ADGB: variants seen among roughly 807,000 people sequenced by gnomAD.
ADGB encodes androglobin, also known as calpain-7-like protein.
In ADGB, 172 loss-of-function variants were observed where a neutral mutation model predicts 210.5. The observed-to-expected ratio is 0.82, with a 90% CI of 0.72 to 0.93. The LOEUF (loss-of-function observed/expected upper bound fraction) is 0.93, where lower values mean the gene tolerates loss of function less well. Among genes scored for constraint, ADGB ranks in the 40% least tolerant of loss-of-function variants. The probability of loss-of-function intolerance (pLI) is 0.00; values close to 1 mark genes in which losing one functional copy is unlikely to be tolerated. For synonymous variants in ADGB, 658 were observed against 662.7 expected, an observed-to-expected ratio of 0.99 and a Z score of 0.11; for missense variants, 2,025 against 1,964.8, an observed-to-expected ratio of 1.03 and a Z score of -0.58.
At chr6:146,810,510 T>C (rs6923489) in intron 35 of ADGB, among the ~76,000 whole-genome samples, 9,272 of 152,198 alleles carry the variant, frequency 0.061, 683 homozygotes, top group African/African-American at 0.17. Context: ...CCTCTGTTCA[T>C]GGCAGCATTA....
chr6:146,802,441 G>A (rs929446685), intron 35 of ADGB: 57 of 192,080 alleles, frequency 3.0e-4, no homozygotes, highest in Non-Finnish European at 5.4e-4. Context: ...GGTAAGTCCT[G>A]TCTTATTTTT....
At chr6:146,600,081 C>T (rs1412890390) in intron 1 of ADGB, among the ~76,000 whole-genome samples, 3 of 152,120 alleles carry the variant, frequency 2.0e-5, no homozygotes, top group Non-Finnish European at 4.4e-5. Context: ...GTGAATTCTT[C>T]TCCCAGACTC....
intron 1 of ADGB, among the ~76,000 whole-genome samples, chr6:146,621,760 C>A (rs1384682977): frequency 6.6e-6 from 1 of 152,088 alleles, no homozygotes; most frequent in African/African-American, 2.4e-5. Flanking sequence ...TTTTAATATT[C>A]ACTGTCCATT....
At chr6:146,660,201 C>T (rs1775836432) in intron 5 of ADGB, among the ~76,000 whole-genome samples, 1 of 152,088 alleles carries the variant, frequency 6.6e-6, no homozygotes, top group Admixed American at 6.6e-5. Context: ...ACTCTCTCAT[C>T]CAGTGACATT....
chr6:146,809,923 A>G (rs1368911701), intron 35 of ADGB, among the ~76,000 whole-genome samples: 1 of 152,074 alleles, frequency 6.6e-6, no homozygotes, highest in Non-Finnish European at 1.5e-5. Flanking sequence ...AGATGACACC[A>G]GAAGCACAGG....
intron 35 of ADGB, among the ~76,000 whole-genome samples, chr6:146,809,609 G>C (rs369135420): frequency 6.6e-6 from 1 of 151,684 alleles, no homozygotes; most frequent in Non-Finnish European, 1.5e-5. Flanking sequence ...GCTTCCCAAA[G>C]TGCTGGAATT....
At chr6:146,717,504 A>G in intron 15 of ADGB, 32 bp from the exon 16 acceptor site, 1 of 1,212,074 alleles carries the variant, frequency 8.3e-7, no homozygotes, top group South Asian at 1.5e-5. Context: ...GCCTATAATG[A>G]CAATAACCTG....
At chr6:146,802,157 A>G (rs1778145278) in intron 35 of ADGB, 146 bp downstream of exon 35, 1 of 531,044 alleles carries the variant, frequency 1.9e-6, no homozygotes, top group Non-Finnish European at 2.8e-6. Flanking sequence ...GGAAAACATC[A>G]CAAATTTGAT....
chr6:146,758,752 C>T (rs1777446115), intron 27 of ADGB, among the ~76,000 whole-genome samples: 1 of 151,888 alleles, frequency 6.6e-6, no homozygotes, highest in African/African-American at 2.4e-5. Flanking sequence ...TGTTTTTCTT[C>T]TGACTGCCTT....
Position 146,717,147 on chromosome 6 carries a change from TAA to T in ADGB, c.1928+79_1928+80del, listed in dbSNP as rs1022226412. On this transcript the variant is annotated intron_variant, in intron 15 of 35. Coordinates refer to ENST00000397944, the MANE Select transcript of ADGB (RefSeq NM_024694.4). ...GCTGCATTAGTATACAAAGTCACAT[TAA>T]GATTTATTTTTGCATATTTAATATA... is the stretch of plus-strand genomic sequence containing the variant. The T allele has an allele frequency of 1.7e-5, 21 of 1,210,386 alleles. No individual in the cohort carries two copies. In the African/African-American group the frequency reaches 2.9e-4, roughly 17 times the overall value. 75.0% of individuals were successfully genotyped at this position (1,210,386 alleles called of 1,614,324 possible).
chr6:146,776,132 T>C (rs1343021322), intron 29 of ADGB, among the ~76,000 whole-genome samples: 1 of 152,148 alleles, frequency 6.6e-6, no homozygotes, highest in Non-Finnish European at 1.5e-5. Flanking sequence ...GCTCATTTCA[T>C]CAACAAAATA....
rs1441110607 is a variant in ADGB, at chr6:146,752,734, C to G, written c.3550+20C>G. On this transcript the variant is annotated intron_variant, in intron 27 of 35. Coordinates refer to ENST00000397944, the MANE Select transcript of ADGB (RefSeq NM_024694.4). Reference sequence around the variant, plus strand: ...CCCAGTGTAAGTGTACCTTTATGAACAGGATAGTTAGATTCATAAATGGAT... The same window carrying G: ...CCCAGTGTAAGTGTACCTTTATGAAGAGGATAGTTAGATTCATAAATGGAT... 6.6e-7 allele frequency: 1 copy of G among 1,517,658 alleles called. No individual in the cohort carries two copies. 94.0% of individuals were successfully genotyped at this position (1,517,658 alleles called of 1,614,324 possible).
intron 25 of ADGB, 112 bp downstream of exon 25, chr6:146,741,383 A>T (rs915236852): frequency 1.1e-6 from 1 of 918,692 alleles, no homozygotes; most frequent in South Asian, 1.8e-5. Context: ...TAACAGACAA[A>T]TAAGGCCCTG....
chr6:146,814,716 T>A (rs1261729904), intron 35 of ADGB, among the ~76,000 whole-genome samples: 1 of 152,148 alleles, frequency 6.6e-6, no homozygotes, highest in African/African-American at 2.4e-5. Flanking sequence ...GCAAGAGACA[T>A]TGGGCTTATT....
At chr6:146,785,513 C>G in intron 31 of ADGB, 97 bp from the exon 32 acceptor site, 4 of 825,722 alleles carry the variant, frequency 4.8e-6, no homozygotes, top group Non-Finnish European at 7.5e-6. Context: ...TCACATTTTC[C>G]TGTTTCGTTT....
chr6:146,625,875 A>G (rs1780964161), intron 1 of ADGB, among the ~76,000 whole-genome samples: 1 of 152,068 alleles, frequency 6.6e-6, no homozygotes, highest in Non-Finnish European at 1.5e-5. Flanking sequence ...TCAATTTGAC[A>G]TTCTGTTCCA....
intron 33 of ADGB, 50 bp downstream of exon 33, chr6:146,788,660 T>G (rs762937611): frequency 6.7e-7 from 1 of 1,501,128 alleles, no homozygotes; most frequent in Non-Finnish European, 9.0e-7. Context: ...CAAATAAAAA[T>G]TATGGAAAAG....
At chr6:146,641,746 A>T (rs1562262415) in intron 2 of ADGB, among the ~76,000 whole-genome samples, 1 of 152,056 alleles carries the variant, frequency 6.6e-6, no homozygotes, top group Non-Finnish European at 1.5e-5. Flanking sequence ...CCATACACAA[A>T]AATCAACTCA....
chr6:146,644,547 T>C (rs952637327), intron 2 of ADGB, among the ~76,000 whole-genome samples: 2 of 151,842 alleles, frequency 1.3e-5, no homozygotes, highest in African/African-American at 4.8e-5. Flanking sequence ...CAACAATCAA[T>C]GAGCATATTA....
Sources: allele counts gnomAD v4.1 joint callset (sites outside exome capture counted in the v4.1 genomes callset), GRCh38; gene constraint gnomAD v4.1.1; transcripts MANE v1.5; gene names NCBI Gene and HGNC (gene_info 2026-07-23, HGNC 2026-07-21).